Variants in TASP1 observed in about 807,000 individuals in gnomAD.
TASP1 encodes the protein taspase 1.
Under a neutral mutation model 56.6 loss-of-function variants are expected in TASP1, and 16 were observed. The ratio of observed to expected loss-of-function variants is 0.28; its 90% CI spans 0.19 to 0.43. The LOEUF is 0.43. TASP1 is among the 20% of genes least tolerant of loss of function. TASP1 has a pLI of 1.00. For synonymous variants in TASP1, 179 were observed against 184.2 expected, an observed-to-expected ratio of 0.97 and a Z score of 0.23; for missense variants, 393 against 511.6, an observed-to-expected ratio of 0.77 and a Z score of 2.24.
At chr20:13,182,269 T>C in the TASP1 span, among the ~76,000 whole-genome samples, 2 of 152,232 alleles carry the variant, frequency 1.3e-5, no homozygotes, top group African/African-American at 4.8e-5. Context: ...CTTCCACTTT[T>C]CTTTACAAGA....
At chr20:13,311,216 T>TGATAGATAGATAGATA in the TASP1 span, among the ~76,000 whole-genome samples, 4,805 of 132,928 alleles carry the variant, frequency 0.036, 123 homozygotes, top group Non-Finnish European at 0.04. Context: ...TATAGATAGA[T>TGATAGATAGATAGATA]GATAGATAGA....
chr20:13,613,658 A>G (rs1047312124), intron 4 of TASP1, among the ~76,000 whole-genome samples: 2 of 152,102 alleles, frequency 1.3e-5, no homozygotes, highest in Non-Finnish European at 1.5e-5. Context: ...ATACTGGCCA[A>G]TTATAAACAA....
intron 8 of TASP1, among the ~76,000 whole-genome samples, chr20:13,534,770 T>C (rs1009000518): frequency 5.3e-5 from 8 of 152,168 alleles, no homozygotes; most frequent in African/African-American, 1.7e-4. Context: ...TGTGTTTCAA[T>C]GTTTTGTCCC....
intron 13 of TASP1, among the ~76,000 whole-genome samples, chr20:13,412,678 A>G (rs985533803): frequency 1.3e-5 from 2 of 152,194 alleles, no homozygotes; most frequent in African/African-American, 4.8e-5. Flanking sequence ...GTAAATATAC[A>G]TTCACTAAGT....
chr20:13,150,662 A>G, the TASP1 span, among the ~76,000 whole-genome samples: 1 of 152,140 alleles, frequency 6.6e-6, no homozygotes, highest in Non-Finnish European at 1.5e-5. Flanking sequence ...CCTTCCAATC[A>G]TTAAATGTGG....
intron 9 of TASP1, among the ~76,000 whole-genome samples, chr20:13,531,100 T>A (rs1381941665): frequency 6.6e-6 from 1 of 152,198 alleles, no homozygotes; most frequent in Non-Finnish European, 1.5e-5. Context: ...AGCAAGTGCT[T>A]AATTAACAGT....
intron 13 of TASP1, among the ~76,000 whole-genome samples, chr20:13,395,878 T>C (rs2041516341): frequency 6.6e-6 from 1 of 151,832 alleles, no homozygotes; most frequent in Non-Finnish European, 1.5e-5. Flanking sequence ...ATTTTTTTTT[T>C]TTTTAGTAGA....
chr20:13,385,351 T>C (rs900654402), downstream of TASP1, among the ~76,000 whole-genome samples: 4 of 152,252 alleles, frequency 2.6e-5, no homozygotes, highest in African/African-American at 9.6e-5. Flanking sequence ...AGTGTTTGTC[T>C]GTCTCCAGCA....
intron 1 of TASP1, among the ~76,000 whole-genome samples, chr20:13,630,687 C>CAAAAAAAA (rs33973259): frequency 1.5e-5 from 1 of 65,548 alleles, no homozygotes; most frequent in Non-Finnish European, 2.9e-5. Flanking sequence ...AGCTCTGTCT[C>CAAAAAAAA]AAAAAAAAAA....
the TASP1 span, among the ~76,000 whole-genome samples, chr20:13,331,834 C>T: frequency 1.3e-5 from 2 of 152,132 alleles, no homozygotes; most frequent in Non-Finnish European, 2.9e-5. Context: ...AAGACAAGGA[C>T]TGTGACCATC....
At chr20:13,110,482 G>C in the TASP1 span, among the ~76,000 whole-genome samples, 1 of 152,280 alleles carries the variant, frequency 6.6e-6, no homozygotes, top group African/African-American at 2.4e-5. Context: ...TTGCTAACTT[G>C]AGTTGATCTT....
the TASP1 span, among the ~76,000 whole-genome samples, chr20:13,151,063 G>C: frequency 6.6e-6 from 1 of 152,234 alleles, no homozygotes; most frequent in South Asian, 2.1e-4. Flanking sequence ...AAGCTCTTCT[G>C]TTTTTATATC....
chr20:13,295,869 C>A, the TASP1 span, among the ~76,000 whole-genome samples: 2 of 152,186 alleles, frequency 1.3e-5, no homozygotes, highest in African/African-American at 2.4e-5. Flanking sequence ...AAAGGTGCAA[C>A]CTGGAGGCTG....
chr20:13,347,463 G>A, the TASP1 span, among the ~76,000 whole-genome samples: 1 of 152,166 alleles, frequency 6.6e-6, no homozygotes, highest in Non-Finnish European at 1.5e-5. Context: ...CTTCTTTCTG[G>A]TTCTAGAGTC....
chr20:13,506,720 A>C (rs189404345), intron 10 of TASP1, among the ~76,000 whole-genome samples: 1 of 152,216 alleles, frequency 6.6e-6, no homozygotes, highest in African/African-American at 2.4e-5. Flanking sequence ...AGAAACTCTC[A>C]ACAAATTAGG....
chr20:13,584,225 A>C (rs190124853), intron 5 of TASP1, among the ~76,000 whole-genome samples: 5 of 152,384 alleles, frequency 3.3e-5, no homozygotes. Flanking sequence ...AATGCATTCA[A>C]GAGGTAAATG....
intron 4 of TASP1, among the ~76,000 whole-genome samples, chr20:13,602,867 C>T (rs6042239): frequency 0.41 from 62,489 of 151,872 alleles, 13,765 homozygotes; most frequent in African/African-American, 0.56. Flanking sequence ...CCTAGGGTTA[C>T]GGACCCCTGC....
At chr20:13,214,189 T>C in the TASP1 span, among the ~76,000 whole-genome samples, 1 of 152,202 alleles carries the variant, frequency 6.6e-6, no homozygotes, top group Admixed American at 6.5e-5. Flanking sequence ...AGGATCTCCT[T>C]ACTCTTAAGA....
At chr20:13,307,256 G>A in the TASP1 span, among the ~76,000 whole-genome samples, 7 of 152,106 alleles carry the variant, frequency 4.6e-5, no homozygotes, top group Non-Finnish European at 7.4e-5. Flanking sequence ...CATCCTTTGG[G>A]CCAGTCTTTT....
Sources: allele counts gnomAD v4.1 joint callset (sites outside exome capture counted in the v4.1 genomes callset), GRCh38; gene constraint gnomAD v4.1.1; transcripts MANE v1.5; gene names NCBI Gene and HGNC (gene_info 2026-07-23, HGNC 2026-07-21).